PDE10A: variants seen among roughly 807,000 people sequenced by gnomAD.
PDE10A encodes the protein cAMP and cAMP-inhibited cGMP 3',5'-cyclic phosphodiesterase 10A.
Under a neutral mutation model 97.7 loss-of-function variants are expected in PDE10A, and 39 were observed. The ratio of observed to expected loss-of-function variants is 0.40; its 90% CI spans 0.31 to 0.52. The LOEUF is 0.52. Among genes scored for constraint, PDE10A ranks in the 20% least tolerant of loss-of-function variants. The pLI, the probability that PDE10A is intolerant of heterozygous loss-of-function variation, is 0.56. For synonymous variants in PDE10A, 371 were observed against 376.8 expected, an observed-to-expected ratio of 0.98 and a Z score of 0.18; for missense variants, 731 against 1,047.8, an observed-to-expected ratio of 0.70 and a Z score of 4.17.
At chr6:165,914,928 AGG>A (rs1782563622) in intron 1 of PDE10A, among the ~76,000 whole-genome samples, 1 of 152,240 alleles carries the variant, frequency 6.6e-6, no homozygotes, top group Admixed American at 6.5e-5. Flanking sequence ...GATACAGTAC[AGG>A]ATGTTTCTAG....
At chr6:165,695,332 G>T (rs917271490) in intron 1 of PDE10A, among the ~76,000 whole-genome samples, 5 of 149,668 alleles carry the variant, frequency 3.3e-5, no homozygotes, top group African/African-American at 5.0e-5. Flanking sequence ...ATCAAAATCT[G>T]GTAGGAATGG....
chr6:165,518,535 T>A (rs564583024), intron 2 of PDE10A, among the ~76,000 whole-genome samples: 1 of 152,276 alleles, frequency 6.6e-6, no homozygotes, highest in Admixed American at 6.5e-5. Flanking sequence ...CGTCCTGGTA[T>A]CCCAGTGTTT....
chr6:165,843,166 G>A (rs1046647914), intron 1 of PDE10A, among the ~76,000 whole-genome samples: 22 of 152,200 alleles, frequency 1.4e-4, no homozygotes, highest in African/African-American at 3.9e-4. Context: ...CCCAGGTCCC[G>A]TCTAAGGCTA....
At chr6:165,491,706 A>G (rs1312677733) in intron 2 of PDE10A, among the ~76,000 whole-genome samples, 1 of 152,192 alleles carries the variant, frequency 6.6e-6, no homozygotes, top group Admixed American at 6.5e-5. Context: ...GGATACAGCA[A>G]AAGTGGTACT....
At chr6:165,609,759 T>C (rs573489426) in intron 1 of PDE10A, among the ~76,000 whole-genome samples, 72 of 152,274 alleles carry the variant, frequency 4.7e-4, no homozygotes, top group African/African-American at 1.7e-3. Context: ...CCATTCACAA[T>C]TGCTTCAAAG....
intron 1 of PDE10A, among the ~76,000 whole-genome samples, chr6:165,634,194 T>C (rs1788768316): frequency 6.6e-6 from 1 of 152,104 alleles, no homozygotes; most frequent in Non-Finnish European, 1.5e-5. Context: ...ATGCCTCCGA[T>C]CAGCGGATCT....
chr6:165,883,706 G>A (rs1472570874), intron 1 of PDE10A, among the ~76,000 whole-genome samples: 1 of 151,962 alleles, frequency 6.6e-6, no homozygotes, highest in Non-Finnish European at 1.5e-5. Context: ...TGGGATCCTC[G>A]CACACCCCAC....
chr6:165,986,808 A>G (rs755280438), intron 1 of PDE10A, among the ~76,000 whole-genome samples: 5 of 151,802 alleles, frequency 3.3e-5, no homozygotes, highest in Non-Finnish European at 7.4e-5. Context: ...CAGTGTTTGC[A>G]GTGTTTGGTG....
intron 1 of PDE10A, among the ~76,000 whole-genome samples, chr6:165,862,457 G>A (rs1156564272): frequency 2.0e-5 from 3 of 152,304 alleles, no homozygotes; most frequent in East Asian, 3.9e-4. Flanking sequence ...AAGAGACTGT[G>A]GATGCCGTTA....
rs370967764 is a variant in PDE10A at position 165,738,566 on chromosome 6, T to C, written c.-614-194998A>G. Among the ~76,000 whole-genome samples the C allele has an allele frequency of 3.8e-3, 578 of 152,066 alleles. 2 individuals carry two copies. The highest frequency in any genetic ancestry group is 0.013 in the African/African-American group (530 of 41,404). On this transcript the variant is annotated intron_variant, in intron 1 of 19. Coordinates refer to the PDE10A transcript ENST00000366882. ...CTGGATCAAATGGTATTTCTAGTTCTAGATCCCTGAGGAATCGCCACACTG... is the reference window on the plus strand; with the variant it reads ...CTGGATCAAATGGTATTTCTAGTTCCAGATCCCTGAGGAATCGCCACACTG...
chr6:165,778,852 A>C (rs532440603), intron 1 of PDE10A, among the ~76,000 whole-genome samples: 11 of 152,254 alleles, frequency 7.2e-5, no homozygotes, highest in East Asian at 5.8e-4. Context: ...TTTAATTAAA[A>C]ATTTTTAAAA....
At position 165,654,636 on chromosome 6, in the gene PDE10A, T is replaced by C. The variant is rs538491112; in HGVS notation, c.865+7311A>G. On this transcript the variant is annotated intron_variant, in intron 1 of 21. Coordinates refer to ENST00000539869, the MANE Select transcript of PDE10A (RefSeq NM_001385079.1). ...CATCAAGCTCCTTTTCTTCAGCAAA[T>C]CAACATTCCCAAGTCAATTCTCCAT... is the stretch of plus-strand genomic sequence containing the variant. 6.6e-5 allele frequency among the ~76,000 whole-genome samples: 10 copies of C among 152,260 alleles called. No individual in the cohort carries two copies. The East Asian group carries it at 1.9e-3, about 29-fold the overall frequency.
At chr6:165,873,326 G>A (rs1781252269) in intron 1 of PDE10A, among the ~76,000 whole-genome samples, 2 of 152,290 alleles carry the variant, frequency 1.3e-5, no homozygotes, top group Admixed American at 1.3e-4. Context: ...ACATTTTGGG[G>A]AAGCAGAACA....
chr6:165,888,505 C>T (rs1781691400), intron 1 of PDE10A, among the ~76,000 whole-genome samples: 1 of 151,546 alleles, frequency 6.6e-6, no homozygotes. Flanking sequence ...AGGATGGTGT[C>T]GATCTCCTGA....
chr6:165,886,049 A>G (rs1267840501), intron 1 of PDE10A, among the ~76,000 whole-genome samples: 3 of 152,250 alleles, frequency 2.0e-5, no homozygotes, highest in Non-Finnish European at 4.4e-5. Context: ...GTAAACATAC[A>G]TAAAATTTCA....
intron 11 of PDE10A, among the ~76,000 whole-genome samples, chr6:165,416,734 C>G (rs1379518716): frequency 1.3e-5 from 2 of 152,110 alleles, no homozygotes; most frequent in Non-Finnish European, 2.9e-5. Flanking sequence ...GTGCTTTCTA[C>G]CACACATATA....
At position 165,396,342 on chromosome 6, in the gene PDE10A, C is replaced by T. The variant is rs759634882; in HGVS notation, c.2194G>A (p.Val732Met). Residue 732 changes from valine to methionine, a missense_variant, in exon 14 of 22, where the codon GTG becomes ATG. By Grantham distance (21) the Val-to-Met change is conservative. Coordinates refer to ENST00000539869, the MANE Select transcript of PDE10A (RefSeq NM_001385079.1). ...WQGLMQFTLP[V>M]RLCKEIELFH... is the part of the protein sequence containing the mutation. ...AATTCAATTTCTTTGCAGAGACGCACGGGAAGGGTGAATTGCATGAGACCT... is the reference window on the plus strand; with the variant it reads ...AATTCAATTTCTTTGCAGAGACGCATGGGAAGGGTGAATTGCATGAGACCT... The T allele has an allele frequency of 4.2e-5, 68 of 1,612,946 alleles. No individual in the cohort carries two copies. Among genetic ancestry groups the T allele is most frequent in the East Asian group, 2.2e-4 (10 of 44,838 alleles).
chr6:165,367,137 G>A (rs1204456057), intron 18 of PDE10A, among the ~76,000 whole-genome samples: 1 of 151,918 alleles, frequency 6.6e-6, no homozygotes, highest in Admixed American at 6.6e-5. Flanking sequence ...AAAGATAGGT[G>A]AAGAGATGGG....
intron 1 of PDE10A, among the ~76,000 whole-genome samples, chr6:165,879,058 T>C (rs1781413100): frequency 6.6e-6 from 1 of 152,216 alleles, no homozygotes; most frequent in South Asian, 2.1e-4. Context: ...CAATAGACAC[T>C]GATGCAGATG....
Sources: gnomAD v4.1 joint callset for allele counts (sites outside exome capture counted in the v4.1 genomes callset) on GRCh38, gnomAD v4.1.1 for gene constraint, MANE v1.5 for transcripts, NCBI Gene and HGNC (gene_info 2026-07-23, HGNC 2026-07-21) for gene names.